CYB5R3: variants seen among roughly 807,000 people sequenced by gnomAD.
CYB5R3 encodes cytochrome b5 reductase 3, also known as NADH-cytochrome b5 reductase 3.
CYB5R3 carries 28 observed loss-of-function variants against 36.5 expected under a neutral mutation model. That is an observed-to-expected ratio of 0.77 (90% CI 0.57 to 1.05). CYB5R3 has a LOEUF of 1.05. CYB5R3 is among the 50% of genes least tolerant of loss of function. The pLI is 0.00. For missense variants in CYB5R3, 474 were observed against 408.9 expected, an observed-to-expected ratio of 1.16 and a Z score of -1.37; for synonymous variants, 181 against 159.8, an observed-to-expected ratio of 1.13 and a Z score of -1.00.
chr22:42,645,994 G>A (rs537195704), intron 1 of CYB5R3, among the ~76,000 whole-genome samples: 11 of 152,182 alleles, frequency 7.2e-5, no homozygotes, highest in African/African-American at 2.4e-4. Flanking sequence ...GCAGTGGAGG[G>A]GCGAAGGTTT....
At chr22:42,645,305 G>C (rs1009409566) in intron 1 of CYB5R3, among the ~76,000 whole-genome samples, 1 of 152,188 alleles carries the variant, frequency 6.6e-6, no homozygotes, top group Non-Finnish European at 1.5e-5. Context: ...AGGGACAACA[G>C]GCTCCCACCC....
chr22:42,627,188 C>T lies in CYB5R3; in HGVS notation c.633+116G>A, dbSNP rs778124970. The stretch of plus-strand genomic sequence containing the variant: ...ACAGAACATTCAGGGCCCCCCATCC[C>T]GGTCATCCCCAGAATCTCAGCAGAG... On this transcript the variant is annotated intron_variant, in intron 7 of 8. Transcript: ENST00000352397. The T allele has an allele frequency of 5.5e-5, 49 of 897,664 alleles. No homozygotes were observed. The Middle Eastern group carries it at 1.3e-3, about 23-fold the overall frequency. The allele number at this position is 897,664 out of a possible 1,614,324, so 55.6% of individuals were successfully genotyped here. A position where few individuals can be genotyped will look rare whatever the true frequency, so the allele number is the denominator to read the frequency against.
chr22:42,627,228 G>A, intron 7 of CYB5R3, 76 bp downstream of exon 7: 5 of 1,243,500 alleles, frequency 4.0e-6, no homozygotes, highest in Middle Eastern at 1.9e-4. Flanking sequence ...GCAGACCCCT[G>A]GAACAGCACC....
In CYB5R3 at chr22:42,622,471, G is replaced by A. The variant is rs1026713716; in HGVS notation, c.733+1318C>T. Among the ~76,000 whole-genome samples the A allele has an allele frequency of 2.0e-5, 3 of 152,154 alleles. No homozygotes were observed. In the East Asian group the frequency reaches 5.8e-4, roughly 29 times the overall value. ...GTGGAGCAGCCGACCTGGAGGGGGT[G>A]GGCTGACCCAGGACAGCAGGTCCAG... On this transcript the variant is annotated intron_variant, in intron 8 of 8. Coordinates refer to ENST00000352397, the MANE Select transcript of CYB5R3 (RefSeq NM_000398.7).
At chr22:42,638,906 T>C (rs934827100) in intron 1 of CYB5R3, among the ~76,000 whole-genome samples, 3 of 151,392 alleles carry the variant, frequency 2.0e-5, no homozygotes, top group African/African-American at 7.3e-5. Flanking sequence ...TGGTGGCGCA[T>C]GCCTGGAATC....
chr22:42,627,588 T>TG lies in CYB5R3; in HGVS notation c.547+16dup, dbSNP rs754161126. ...TAACATGAGCCGCCGGACGCCTCAG[T>TG]GGGGGGTTCCGTGTACCTGTCCCTC... On this transcript the variant is annotated intron_variant, in intron 6 of 8. Coordinates refer to ENST00000352397, the MANE Select transcript of CYB5R3 (RefSeq NM_000398.7). The TG allele has an allele frequency of 3.1e-6, 5 of 1,609,210 alleles. No homozygotes were observed. The highest frequency in any genetic ancestry group is 4.3e-6 in the Non-Finnish European group (5 of 1,175,662).
At position 42,627,371 on chromosome 22, in the gene CYB5R3, TGCA is replaced by T; in HGVS notation, c.563_565del (p.Leu188del). 1.1e-5 allele frequency: 17 copies of T among 1,613,862 alleles called. No individual in the cohort carries two copies. The highest frequency in any genetic ancestry group is 1.4e-5 in the Non-Finnish European group (17 of 1,179,964). On this transcript the variant is annotated inframe_deletion, in exon 7 of 9. Coordinates refer to ENST00000352397, the MANE Select transcript of CYB5R3 (RefSeq NM_000398.7). Reference sequence around the variant, plus strand: ...GTCCTTCATGATGGCGCGGATCACCTGCAGCATCGGGGTGATGCCTGCAAAATA... The same window carrying T: ...GTCCTTCATGATGGCGCGGATCACCTGCATCGGGGTGATGCCTGCAAAATA...
At position 42,623,763 on chromosome 22, in the gene CYB5R3, C is replaced by T. The variant is rs200500507; in HGVS notation, c.733+26G>A. On this transcript the variant is annotated intron_variant, in intron 8 of 8. Transcript: ENST00000352397. ...ACTGTGGGCTGGCACCTCCCACCCA[C>T]CCAGTGAGGGGCCTCCCTCACTCAC... The T allele has an allele frequency of 6.9e-6, 11 of 1,590,476 alleles. No homozygotes were observed. The African/African-American group carries it at 1.1e-4, about 16-fold the overall frequency.
chr22:42,630,945 G>A lies in CYB5R3; in HGVS notation c.270C>T (p.Val90=), dbSNP rs144264661. Reference sequence around the variant, plus strand: ...TGGAGATGGGTGTATAGGGCCGGACGACCAGGTTTCCATCAATTCGAGCCG... The same window carrying A: ...TGGAGATGGGTGTATAGGGCCGGACAACCAGGTTTCCATCAATTCGAGCCG... The part of the protein sequence containing the change: ...YLSARIDGNL[V]VRPYTPISSD... The change falls in exon 4 of 9, where the codon GTC becomes GTT. Residue 90 remains valine, a synonymous_variant. Transcript: ENST00000352397. 2.5e-6 allele frequency: 4 copies of A among 1,613,986 alleles called. No homozygotes were observed. The highest frequency in any genetic ancestry group is 1.1e-5 in the South Asian group (1 of 91,008).
At chr22:42,627,439 C>G (rs772933408) in intron 6 of CYB5R3, 50 bp from the exon 7 acceptor site, 1 of 1,583,216 alleles carries the variant, frequency 6.3e-7, no homozygotes, top group African/African-American at 1.3e-5. Flanking sequence ...GGCCTGTTCA[C>G]AGGCACCGCC....
chr22:42,642,649 A>G (rs991064791), intron 1 of CYB5R3, among the ~76,000 whole-genome samples: 1 of 152,104 alleles, frequency 6.6e-6, no homozygotes, highest in Admixed American at 6.6e-5. Context: ...TGCGTTAGCC[A>G]GGATGGTCTC....
chr22:42,636,843 C>T lies in CYB5R3; in HGVS notation c.25G>A (p.Gly9Ser). Residue 9 changes from glycine (G) to serine (S), a missense_variant, in exon 2 of 9, where the codon GGC becomes AGC. By Grantham distance (56) the Gly-to-Ser change is moderately conservative (BLOSUM62 0). Transcript: ENST00000352397. ...CAGACTGGGAAGAGCACCATATGGCCCAACTGAAACGACAGGACCCGCGGG... is the reference window on the plus strand; with the variant it reads ...CAGACTGGGAAGAGCACCATATGGCTCAACTGAAACGACAGGACCCGCGGG... MGAQLSTL[G>S]HMVLFPVWFL... 3 of 1,613,532 alleles carry T rather than the reference C, an allele frequency of 1.9e-6. No homozygotes were observed. Among genetic ancestry groups the T allele is most frequent in the Non-Finnish European group, 2.5e-6 (3 of 1,179,936 alleles).
intron 2 of CYB5R3, among the ~76,000 whole-genome samples, chr22:42,633,647 G>A (rs1928731073): frequency 6.6e-6 from 1 of 152,218 alleles, no homozygotes; most frequent in Non-Finnish European, 1.5e-5. Context: ...GCTGGGCATG[G>A]TGTCGCATGC....
intron 4 of CYB5R3, 120 bp from the exon 5 acceptor site, chr22:42,628,401 T>C: frequency 7.7e-7 from 1 of 1,298,878 alleles, no homozygotes; most frequent in South Asian, 1.2e-5. Context: ...CATGGCCTTC[T>C]CCCGTGGAGC....
chr22:42,636,225 A>G (rs1384869306), intron 2 of CYB5R3, among the ~76,000 whole-genome samples: 2 of 152,156 alleles, frequency 1.3e-5, no homozygotes, highest in African/African-American at 2.4e-5. Flanking sequence ...TCAAAAAAAA[A>G]AAAGTATGAA....
intron 7 of CYB5R3, among the ~76,000 whole-genome samples, chr22:42,625,489 A>G (rs1320998605): frequency 6.6e-6 from 1 of 152,166 alleles, no homozygotes; most frequent in East Asian, 1.9e-4. Context: ...AGCCTGGGCA[A>G]TAAGAGTGAA....
At chr22:42,627,711 G>A (rs527550407) in intron 5 of CYB5R3, 23 bp from the exon 6 acceptor site, 6 of 1,565,514 alleles carry the variant, frequency 3.8e-6, no homozygotes, top group Non-Finnish European at 3.5e-6. Context: ...AAGGGGTGAG[G>A]CCCGGCCATC....
At chr22:42,627,215 T>C (rs1928316139) in intron 7 of CYB5R3, 89 bp downstream of exon 7, 2 of 1,072,482 alleles carry the variant, frequency 1.9e-6, no homozygotes, top group Admixed American at 1.9e-5. Flanking sequence ...TCAGCAGAGC[T>C]GTGCAGACCC....
chr22:42,628,819 C>T (rs923739442), intron 4 of CYB5R3, among the ~76,000 whole-genome samples: 1 of 152,180 alleles, frequency 6.6e-6, no homozygotes, highest in African/African-American at 2.4e-5. Context: ...GGAGGAGCGG[C>T]TCACCCTGCC....
Sources: allele counts gnomAD v4.1 joint callset (sites outside exome capture counted in the v4.1 genomes callset), GRCh38; gene constraint gnomAD v4.1.1; transcripts MANE v1.5; gene names NCBI Gene and HGNC (gene_info 2026-07-23, HGNC 2026-07-21).